PGM5: variants seen among roughly 807,000 people sequenced by gnomAD.
PGM5 encodes the protein phosphoglucomutase-like protein 5.
PGM5 carries 23 observed loss-of-function variants against 59.2 expected under a neutral mutation model. The observed-to-expected ratio is 0.39, with a 90% confidence interval of 0.28 to 0.55. The LOEUF (loss-of-function observed/expected upper bound fraction) is 0.55, where lower values mean the gene tolerates loss of function less well. Among genes scored for constraint, PGM5 ranks in the 20% least tolerant of loss-of-function variants. The pLI is 0.66. For synonymous variants in PGM5, 214 were observed against 286.0 expected (o/e 0.75, Z 2.54); for missense variants, 574 against 748.3 (o/e 0.77, Z 2.72).
At chr9:68,454,060 G>A (rs901796405) in intron 6 of PGM5, among the ~76,000 whole-genome samples, 1 of 152,162 alleles carries the variant, frequency 6.6e-6, no homozygotes, top group Non-Finnish European at 1.5e-5. Context: ...GGACTATCAA[G>A]AGATCCCCAC....
intron 6 of PGM5, chr9:68,400,718 T>A (rs1402238595): frequency 6.6e-6 from 1 of 152,532 alleles, no homozygotes; most frequent in Non-Finnish European, 1.5e-5. Context: ...TGATTTGTGG[T>A]TTTCGTTTAC....
intron 9 of PGM5, among the ~76,000 whole-genome samples, chr9:68,492,167 G>T (rs1350130583): frequency 6.6e-6 from 1 of 152,188 alleles, no homozygotes; most frequent in Admixed American, 6.5e-5. Context: ...GGAACTAAGG[G>T]AGGAAGCTAT....
chr9:68,369,630 G>T (rs1278395898), intron 1 of PGM5, among the ~76,000 whole-genome samples: 2 of 152,052 alleles, frequency 1.3e-5, no homozygotes, highest in Non-Finnish European at 2.9e-5. Flanking sequence ...TTGAGAAATG[G>T]GTGGGCCGAT....
intron 6 of PGM5, among the ~76,000 whole-genome samples, chr9:68,438,827 T>C (rs751192774): frequency 2.6e-5 from 4 of 152,276 alleles, no homozygotes; most frequent in Non-Finnish European, 5.9e-5. Flanking sequence ...AGAGAGTCTC[T>C]GTGTGTATGT....
At chr9:68,465,369 C>T (rs1823918246) in intron 7 of PGM5, among the ~76,000 whole-genome samples, 161 bp downstream of exon 7, 1 of 152,158 alleles carries the variant, frequency 6.6e-6, no homozygotes, top group African/African-American at 2.4e-5. Context: ...ATGCTTACCT[C>T]TTTTGTCCAT....
At chr9:68,449,136 T>A (rs781944653) in intron 6 of PGM5, among the ~76,000 whole-genome samples, 1 of 152,212 alleles carries the variant, frequency 6.6e-6, no homozygotes, top group Non-Finnish European at 1.5e-5. Context: ...GAGTCTCTAA[T>A]GTAAGGGCAC....
intron 6 of PGM5, among the ~76,000 whole-genome samples, chr9:68,438,335 G>A (rs75180668): frequency 0.023 from 3,436 of 149,688 alleles, 123 homozygotes; most frequent in African/African-American, 0.078. Context: ...AGCGGTTGAA[G>A]GTAATCTGTA....
At chr9:68,490,861 T>C (rs1824378850) in intron 9 of PGM5, among the ~76,000 whole-genome samples, 2 of 152,186 alleles carry the variant, frequency 1.3e-5, no homozygotes, top group Admixed American at 1.3e-4. Context: ...TACCCACAAA[T>C]AGCACTTCTA....
At chr9:68,385,619 T>C (rs1227990195) in intron 3 of PGM5, among the ~76,000 whole-genome samples, 4 of 151,996 alleles carry the variant, frequency 2.6e-5, no homozygotes, top group Admixed American at 2.6e-4. Context: ...CATAGGCATA[T>C]GTGTGCACAT....
Position 68,357,134 on chromosome 9 carries a change from G to C in PGM5, c.7G>C (p.Gly3Arg). The C allele has an allele frequency of 6.6e-7, 1 of 1,526,070 alleles. No individual in the cohort carries two copies. The highest frequency in any genetic ancestry group is 2.3e-4 in the Middle Eastern group (1 of 4,316). 94.5% of individuals were successfully genotyped at this position (1,526,070 alleles called of 1,614,324 possible). Reference protein sequence around the residue: MEGSPIPVLTVPT... With the variant: MERSPIPVLTVPT... Reference sequence around the variant, plus strand: ...GGACCGGCCAGGAGGCGCCATGGAGGGGAGCCCCATCCCGGTGCTGACAGT... The same window carrying C: ...GGACCGGCCAGGAGGCGCCATGGAGCGGAGCCCCATCCCGGTGCTGACAGT... Residue 3 changes from glycine to arginine, a missense_variant, in exon 1 of 11, where the codon GGG becomes CGG. Gly to Arg is a moderately radical substitution (Grantham distance 125, BLOSUM62 -2). Transcript: ENST00000396396.
chr9:68,383,204 C>T (rs1169658545), intron 2 of PGM5, among the ~76,000 whole-genome samples: 14 of 151,862 alleles, frequency 9.2e-5, no homozygotes, highest in South Asian at 2.1e-4. Flanking sequence ...TATTGGAATA[C>T]GGTGATGGTG....
intron 10 of PGM5, among the ~76,000 whole-genome samples, chr9:68,503,860 A>T (rs960509584): frequency 1.5e-4 from 23 of 152,318 alleles, no homozygotes; most frequent in Admixed American, 7.2e-4. Flanking sequence ...TGTAGTTTTT[A>T]AAAAATTTCC....
In PGM5 at chr9:68,410,184, A is replaced by G. The variant is rs142438624; in HGVS notation, c.1043+17711A>G. Among the ~76,000 whole-genome samples, 564 of 152,368 alleles carry G rather than the reference A, an allele frequency of 3.7e-3. 2 individuals carry two copies. The highest frequency in any genetic ancestry group is 6.3e-3 in the Non-Finnish European group (427 of 68,032). ...GGGCAAAGGACTACACTATCTTTTA[A>G]GGAGATTCATGGAAGTGGATAGTTG... On this transcript the variant is annotated intron_variant, in intron 6 of 10. Coordinates refer to ENST00000396396, the MANE Select transcript of PGM5 (RefSeq NM_021965.4).
rs1337343391 is a variant in PGM5, at chr9:68,414,998, A to C, written c.1043+22525A>C. Among the ~76,000 whole-genome samples the C allele has an allele frequency of 5.4e-5, 8 of 148,150 alleles. 1 individual carries two copies. The highest frequency in any genetic ancestry group is 2.1e-4 in the African/African-American group (8 of 38,394). On this transcript the variant is annotated intron_variant, in intron 6 of 10. Coordinates refer to ENST00000396396, the MANE Select transcript of PGM5 (RefSeq NM_021965.4). ...TCACTGAGGTACACATAAGTATACC[A>C]ATGGTAATGCTGCTGGAAGAGTAGC... is the stretch of plus-strand genomic sequence containing the variant.
intron 7 of PGM5, 100 bp downstream of exon 7, chr9:68,465,308 G>A (rs1192678489): frequency 2.6e-6 from 2 of 784,044 alleles, no homozygotes; most frequent in African/African-American, 3.5e-5. Flanking sequence ...CAGAGGAACA[G>A]TTAAGTAGAG....
intron 6 of PGM5, among the ~76,000 whole-genome samples, chr9:68,438,477 T>TGGAGTCA (rs782173234): frequency 1.2e-4 from 18 of 151,994 alleles, no homozygotes; most frequent in African/African-American, 1.9e-4. Context: ...AGGTCTACAG[T>TGGAGTCA]GGAGTCAGGG....
intron 9 of PGM5, among the ~76,000 whole-genome samples, chr9:68,486,406 G>A (rs1232215435): frequency 1.3e-5 from 2 of 152,100 alleles, no homozygotes; most frequent in Admixed American, 6.5e-5. Flanking sequence ...GAAAAGAAAT[G>A]TTGTGCTCTT....
chr9:68,375,306 G>A (rs1441187870), intron 1 of PGM5, among the ~76,000 whole-genome samples: 2 of 152,212 alleles, frequency 1.3e-5, no homozygotes, highest in East Asian at 3.8e-4. Context: ...AATGCCAAAA[G>A]GCAAGGACGA....
chr9:68,522,611 G>C (rs1824915919), intron 10 of PGM5, among the ~76,000 whole-genome samples: 1 of 152,218 alleles, frequency 6.6e-6, no homozygotes, highest in Admixed American at 6.5e-5. Context: ...AACAATCTAA[G>C]AGAAACACAT....
Sources: gnomAD v4.1 joint callset for allele counts (sites outside exome capture counted in the v4.1 genomes callset) on GRCh38, gnomAD v4.1.1 for gene constraint, MANE v1.5 for transcripts, NCBI Gene and HGNC (gene_info 2026-07-23, HGNC 2026-07-21) for gene names.